SKP2: variants seen among roughly 807,000 people sequenced by gnomAD.
SKP2 encodes S-phase kinase-associated protein 2.
A neutral mutation model predicts 51.8 loss-of-function variants in SKP2; 16 were observed. The observed-to-expected ratio is 0.31, with a 90% confidence interval of 0.21 to 0.47. The LOEUF is 0.47. Among genes scored for constraint, SKP2 ranks in the 20% least tolerant of loss-of-function variants. The pLI is 1.00. For missense variants in SKP2, 377 were observed against 505.3 expected (o/e 0.75, Z 2.43); for synonymous variants, 176 against 198.6 (o/e 0.89, Z 0.96).
At chr5:36,184,921 T>C (rs1208971172), downstream of SKP2, among the ~76,000 whole-genome samples, 2 of 152,104 alleles carry the variant, frequency 1.3e-5, no homozygotes, top group Admixed American at 6.6e-5. Flanking sequence ...CTCTCCAGTA[T>C]CTGTTGTTTC....
intron 7 of SKP2, among the ~76,000 whole-genome samples, chr5:36,173,095 T>C (rs1341280112): frequency 2.0e-5 from 3 of 152,104 alleles, no homozygotes; most frequent in Admixed American, 1.3e-4. Flanking sequence ...CTTCGTAATA[T>C]GCTTTTTAAC....
At chr5:36,173,016 A>T (rs1184491519) in intron 7 of SKP2, among the ~76,000 whole-genome samples, 1 of 152,128 alleles carries the variant, frequency 6.6e-6, no homozygotes, top group African/African-American at 2.4e-5. Flanking sequence ...CAATAATCTT[A>T]ACATCTTGCT....
intron 2 of SKP2, among the ~76,000 whole-genome samples, chr5:36,153,560 A>G (rs990957378): frequency 9.2e-5 from 14 of 152,006 alleles, no homozygotes; most frequent in Admixed American, 7.2e-4. Flanking sequence ...TGCTGACACT[A>G]TCTGTTTAAT....
chr5:36,189,670 G>A (rs368610360), intron 6 of SKP2, among the ~76,000 whole-genome samples: 57 of 152,306 alleles, frequency 3.7e-4, no homozygotes, highest in African/African-American at 1.3e-3. Context: ...GGGGGTCAGG[G>A]ACCCACTTGA....
In SKP2 at chr5:36,183,841, T is replaced by C; in HGVS notation, c.*1810T>C. 6.3e-7 allele frequency: 1 copy of C among 1,592,762 alleles called. No individual in the cohort carries two copies. Among genetic ancestry groups the C allele is most frequent in the Admixed American group, 1.8e-5 (1 of 54,302 alleles). ...ACTACTTGAAATTATTGTTTACAGA[T>C]TAGTGACAAGAGCTGGGGTTAGGAT... On this transcript the variant is annotated 3_prime_UTR_variant, in exon 10 of 10. Coordinates refer to ENST00000274255, the MANE Select transcript of SKP2 (RefSeq NM_005983.4).
At chr5:36,177,527 T>G (rs1424325212) in intron 9 of SKP2, 1 of 569,694 alleles carries the variant, frequency 1.8e-6, no homozygotes, top group East Asian at 3.6e-5. Flanking sequence ...AATTACTAGC[T>G]TGCTGTCTTA....
At chr5:36,186,986 C>T (rs1241696519), downstream of SKP2, among the ~76,000 whole-genome samples, 3 of 152,206 alleles carry the variant, frequency 2.0e-5, no homozygotes, top group Admixed American at 6.5e-5. Context: ...ATGTATGTGT[C>T]GAGGAATTTA....
chr5:36,153,240 A>ATATG (rs1554084225), intron 2 of SKP2, among the ~76,000 whole-genome samples, 198 bp downstream of exon 2: 3 of 115,060 alleles, frequency 2.6e-5, no homozygotes, highest in African/African-American at 9.5e-5. Flanking sequence ...ATATATATAT[A>ATATG]TATGTATGTT....
intron 9 of SKP2, among the ~76,000 whole-genome samples, chr5:36,179,711 T>C (rs1208421567): frequency 3.3e-5 from 5 of 152,198 alleles, no homozygotes; most frequent in African/African-American, 1.2e-4. Context: ...AAAGAGTTCA[T>C]AAATATCTTT....
chr5:36,189,475 T>A (rs1196702519), intron 6 of SKP2, among the ~76,000 whole-genome samples: 1 of 152,222 alleles, frequency 6.6e-6, no homozygotes, highest in East Asian at 1.9e-4. Context: ...TGGAGTTTGC[T>A]GGAGGTCCAC....
At chr5:36,185,029 T>C (rs185930855), downstream of SKP2, among the ~76,000 whole-genome samples, 487 of 152,382 alleles carry the variant, frequency 3.2e-3, 4 homozygotes, top group African/African-American at 0.011. Context: ...ATGACCATTT[T>C]TTCATGTGTC....
chr5:36,182,231 C>G lies in SKP2; in HGVS notation c.*200C>G. The G allele has an allele frequency of 2.9e-6, 4 of 1,366,874 alleles. No individual in the cohort carries two copies. The highest frequency in any genetic ancestry group is 3.8e-6 in the Non-Finnish European group (4 of 1,061,688). 84.7% of individuals were successfully genotyped at this position (1,366,874 alleles called of 1,614,324 possible). A position where few individuals can be genotyped will look rare whatever the true frequency, so the allele number is the denominator to read the frequency against. ...TCTAAAAGCTTCTATCACTGCTTTG[C>G]TCTTAAGAGCCAAAGTTGTAGGCCT... On this transcript the variant is annotated 3_prime_UTR_variant, in exon 10 of 10. Coordinates refer to ENST00000274255, the MANE Select transcript of SKP2 (RefSeq NM_005983.4).
rs1745852097 is a variant in SKP2, at chr5:36,182,792, T to C, written c.*761T>C. 4 of 978,550 alleles carry C rather than the reference T, an allele frequency of 4.1e-6. No individual in the cohort carries two copies. Among genetic ancestry groups the C allele is most frequent in the African/African-American group, 3.5e-5 (2 of 57,080 alleles). 60.6% of individuals were successfully genotyped at this position (978,550 alleles called of 1,614,324 possible). A position where few individuals can be genotyped will look rare whatever the true frequency, so the allele number is the denominator to read the frequency against. On this transcript the variant is annotated 3_prime_UTR_variant, in exon 10 of 10. Transcript: ENST00000274255. ...TAGATGAGAAATATAATTGTGGTTT[T>C]CTAACTTGATAATCAAATTATGTTA...
At chr5:36,152,572 TAAGTCA>T (rs1416614135) in intron 1 of SKP2, among the ~76,000 whole-genome samples, 193 bp from the exon 2 acceptor site, 1 of 152,222 alleles carries the variant, frequency 6.6e-6, no homozygotes, top group Non-Finnish European at 1.5e-5. Context: ...TGCAGGATCG[TAAGTCA>T]AAAAGCCTTC....
chr5:36,158,985 A>G (rs534658405), intron 2 of SKP2, among the ~76,000 whole-genome samples: 35 of 152,288 alleles, frequency 2.3e-4, no homozygotes, highest in African/African-American at 7.9e-4. Flanking sequence ...TCACACTAAT[A>G]AAGAATTAGC....
At chr5:36,187,676 A>G (rs1451320572), downstream of SKP2, among the ~76,000 whole-genome samples, 1 of 152,170 alleles carries the variant, frequency 6.6e-6, no homozygotes. Flanking sequence ...TTTTTGGGAT[A>G]AGTGCTATGT....
chr5:36,160,075 GATAA>G (rs749536678), intron 2 of SKP2, among the ~76,000 whole-genome samples: 1 of 152,160 alleles, frequency 6.6e-6, no homozygotes, highest in African/African-American at 2.4e-5. Flanking sequence ...AATTTTGCAA[GATAA>G]ATCTGTCAAT....
intron 1 of SKP2, 81 bp from the exon 2 acceptor site, chr5:36,152,690 A>C: frequency 6.9e-7 from 1 of 1,459,306 alleles, no homozygotes; most frequent in East Asian, 2.3e-5. Flanking sequence ...ACAATGCATA[A>C]ACTGCAGCTT....
downstream of SKP2, among the ~76,000 whole-genome samples, chr5:36,187,128 CTTCT>C (rs1745963077): frequency 6.6e-6 from 1 of 151,798 alleles, no homozygotes. Context: ...ATTCTTCTCT[CTTCT>C]TTATTACTCT....
Sources: gnomAD v4.1 joint callset for allele counts (sites outside exome capture counted in the v4.1 genomes callset) on GRCh38, gnomAD v4.1.1 for gene constraint, MANE v1.5 for transcripts, NCBI Gene and HGNC (gene_info 2026-07-23, HGNC 2026-07-21) for gene names.